NAV1: variants seen among roughly 807,000 people sequenced by gnomAD.
NAV1 encodes the protein neuron navigator 1, also known as pore membrane and/or filament interacting like protein 3.
In NAV1, 18 loss-of-function variants were observed where a neutral mutation model predicts 175.2. That is an observed-to-expected ratio of 0.10 (90% CI 0.07 to 0.15). The LOEUF (loss-of-function observed/expected upper bound fraction) is 0.15. NAV1 is among the 10% of genes least tolerant of loss of function. The pLI is 1.00. For missense variants in NAV1, 1,731 were observed against 2,436.6 expected, an observed-to-expected ratio of 0.71 and a Z score of 6.10; for synonymous variants, 897 against 978.7, an observed-to-expected ratio of 0.92 and a Z score of 1.56.
At chr1:201,785,187 T>TA (rs1676641920) in intron 7 of NAV1, 123 bp from the exon 12 acceptor site, 7 of 927,374 alleles carry the variant, frequency 7.5e-6, no homozygotes, top group African/African-American at 1.7e-5. Context: ...AAGCAGGTCA[T>TA]AGTTTGATGT....
chr1:201,782,547 T>C lies in NAV1; in HGVS notation c.2035T>C (p.Ser679Pro), dbSNP rs780675571. 3.7e-5 allele frequency: 59 copies of C among 1,611,378 alleles called. No individual in the cohort carries two copies. Among genetic ancestry groups the C allele is most frequent in the Middle Eastern group, 1.6e-4 (1 of 6,078 alleles). ...CCGCAGCCTGCCCCGGCCAGCCAAG[T>C]CAAGTTCTATGAGCGTGACCGGCGG... The change falls in exon 6 of 30, where the codon TCA becomes CCA. Residue 679 changes from serine to proline, a missense_variant. By Grantham distance (74) the Ser-to-Pro change is moderately conservative. Transcript: ENST00000367296. This position sits in a 1 kb window ranked among gnomAD's most constrained non-coding sequence, Gnocchi z 5.4.
chr1:201,706,160 G>C (rs145273706), intron 1 of NAV1, among the ~76,000 whole-genome samples: 1 of 152,284 alleles, frequency 6.6e-6, no homozygotes, highest in African/African-American at 2.4e-5. Flanking sequence ...GAGATGTGCA[G>C]ATAAACTCCC....
In NAV1 at chr1:201,783,860, G is replaced by A; in HGVS notation, c.2804+8G>A. ...AGCTGGGCAACTGGACAGGTAGGTA[G>A]AAAAGACAGCAGAACCTCGGCCTGT... On this transcript the variant is annotated splice_region_variant and intron_variant, in intron 7 of 29. Coordinates refer to ENST00000367296, the Ensembl canonical transcript of NAV1. 1 of 1,597,186 alleles carries A rather than the reference G, an allele frequency of 6.3e-7. No homozygotes were observed. Among genetic ancestry groups the A allele is most frequent in the East Asian group, 2.2e-5 (1 of 44,512 alleles).
At chr1:201,631,430 CTT>C (rs1668476652) in intron 2 of NAV1, among the ~76,000 whole-genome samples, 1 of 152,224 alleles carries the variant, frequency 6.6e-6, no homozygotes, top group Admixed American at 6.5e-5. Context: ...TTCATGTATT[CTT>C]TCATTCAATC....
rs971323492 is a variant in NAV1, at chr1:201,788,132, C to T, written c.2996-336C>T. Among the ~76,000 whole-genome samples, 5 of 152,110 alleles carry T rather than the reference C, an allele frequency of 3.3e-5. No homozygotes were observed. The highest frequency in any genetic ancestry group is 2.1e-4 in the South Asian group (1 of 4,824). ...AGCATCTCATTTTCATCAGCACATC[C>T]GAGTGATGTGAAGGTCTCAGAAAAG... On this transcript the variant is annotated intron_variant, in intron 9 of 29. Coordinates refer to ENST00000367296, the Ensembl canonical transcript of NAV1. The surrounding 1 kb of genome is among the most constrained non-coding windows in gnomAD (Gnocchi z 5.7).
intron 1 of NAV1, among the ~76,000 whole-genome samples, chr1:201,703,203 T>C (rs1178436498): frequency 6.6e-6 from 1 of 152,104 alleles, no homozygotes; most frequent in East Asian, 1.9e-4. Flanking sequence ...CTGGGCAGGA[T>C]CACTAATGGA....
chr1:201,558,161 T>C (rs1346951952), intron 1 of NAV1, among the ~76,000 whole-genome samples: 1 of 152,180 alleles, frequency 6.6e-6, no homozygotes, highest in Non-Finnish European at 1.5e-5. Context: ...ACTGACGATA[T>C]GTAGATAAAA....
Position 201,718,573 on chromosome 1 carries a change from C to A in NAV1, c.1044C>A (p.His348Gln). Residue 348 changes from histidine (H) to glutamine (Q), a missense_variant, in exon 3 of 30, where the codon CAC becomes CAA. Physicochemically the swap from His to Gln is conservative, Grantham distance 24. Transcript: ENST00000367296. This position sits in a 1 kb window ranked among gnomAD's most constrained non-coding sequence, Gnocchi z 4.8. Reference sequence around the variant, plus strand: ...AGGGGACGCCCGCCTGGTACATGCACGGCGAACGGGCCCACTACTCCCACA... The same window carrying A: ...AGGGGACGCCCGCCTGGTACATGCAAGGCGAACGGGCCCACTACTCCCACA... The A allele has an allele frequency of 6.2e-7, 1 of 1,614,076 alleles. No homozygotes were observed. Among genetic ancestry groups the A allele is most frequent in the Non-Finnish European group, 8.5e-7 (1 of 1,180,030 alleles).
At chr1:201,604,776 G>T (rs1357256523) in intron 2 of NAV1, among the ~76,000 whole-genome samples, 1 of 150,400 alleles carries the variant, frequency 6.6e-6, no homozygotes, top group East Asian at 2.0e-4. Flanking sequence ...GGAAAAGAAA[G>T]AAAAGAAAAG....
intron 2 of NAV1, among the ~76,000 whole-genome samples, chr1:201,614,222 A>G (rs1003003054): frequency 4.6e-5 from 7 of 151,696 alleles, no homozygotes; most frequent in Non-Finnish European, 7.4e-5. Flanking sequence ...GGCATATCCA[A>G]CCCCTAGATG....
intron 2 of NAV1, among the ~76,000 whole-genome samples, chr1:201,605,121 G>A (rs577405919): frequency 1.3e-5 from 2 of 151,200 alleles, no homozygotes; most frequent in Admixed American, 6.6e-5. Context: ...CTTGTTTTCT[G>A]GCTTCTGCTT....
At chr1:201,653,909 C>G (rs1005038328) in intron 1 of NAV1, among the ~76,000 whole-genome samples, 5 of 152,226 alleles carry the variant, frequency 3.3e-5, no homozygotes, top group African/African-American at 1.2e-4. Context: ...CTGCCTTCCT[C>G]CAGGTTGGTA....
intron 3 of NAV1, among the ~76,000 whole-genome samples, chr1:201,738,038 C>T (rs1385904710): frequency 1.3e-5 from 2 of 151,944 alleles, no homozygotes; most frequent in African/African-American, 2.4e-5. Flanking sequence ...AACAGGAGAG[C>T]CAGGATAGGG....
chr1:201,560,638 A>T (rs1666169821), intron 1 of NAV1, among the ~76,000 whole-genome samples: 1 of 152,210 alleles, frequency 6.6e-6, no homozygotes, highest in Non-Finnish European at 1.5e-5. Flanking sequence ...CAGGATATTT[A>T]ATGAAATCCT....
chr1:201,632,074 TTCTC>T (rs983916733), intron 2 of NAV1, among the ~76,000 whole-genome samples: 2 of 152,124 alleles, frequency 1.3e-5, no homozygotes, highest in African/African-American at 4.8e-5. Context: ...CCCAATGTGC[TTCTC>T]TCTGTCTTCC....
intron 3 of NAV1, among the ~76,000 whole-genome samples, chr1:201,751,555 C>T (rs1024840219): frequency 3.3e-5 from 5 of 152,136 alleles, no homozygotes; most frequent in African/African-American, 1.2e-4. Flanking sequence ...TATGGCAATC[C>T]AATCTCATGG....
chr1:201,575,478 A>C (rs1404269914), intron 1 of NAV1, among the ~76,000 whole-genome samples: 3 of 152,216 alleles, frequency 2.0e-5, no homozygotes, highest in Admixed American at 1.3e-4. Context: ...TGGAGTTGGC[A>C]GATCTTGTAT....
At chr1:201,637,695 C>A (rs1668647298) in intron 2 of NAV1, among the ~76,000 whole-genome samples, 1 of 152,210 alleles carries the variant, frequency 6.6e-6, no homozygotes, top group African/African-American at 2.4e-5. Flanking sequence ...CATGCTCACA[C>A]AAGGAGTTTG....
At chr1:201,814,577 A>G (rs549746856) in intron 28 of NAV1, among the ~76,000 whole-genome samples, 6 of 152,134 alleles carry the variant, frequency 3.9e-5, no homozygotes, top group Non-Finnish European at 5.9e-5. Flanking sequence ...ATTGAGATAG[A>G]TATCTCCTGG....
Sources: gnomAD v4.1 joint callset for allele counts (sites outside exome capture counted in the v4.1 genomes callset) on GRCh38, gnomAD v4.1.1 for gene constraint, Gnocchi (gnomAD v3.1) non-coding constraint, MANE v1.5 for transcripts, NCBI Gene and HGNC (gene_info 2026-07-23, HGNC 2026-07-21) for gene names.